Variants in FKBP1B observed in about 807,000 individuals in gnomAD.
FKBP1B encodes FKBP prolyl isomerase 1B.
FKBP1B carries 4 observed loss-of-function variants against 13.5 expected under a neutral mutation model. That is an observed-to-expected ratio of 0.30 (90% CI 0.15 to 0.68). The LOEUF (loss-of-function observed/expected upper bound fraction) is 0.68, where lower values mean the gene tolerates loss of function less well. Among genes scored for constraint, FKBP1B ranks in the 30% least tolerant of loss-of-function variants. FKBP1B has a pLI of 0.76. For synonymous variants in FKBP1B, 54 were observed against 53.6 expected (o/e 1.01, Z -0.03); for missense variants, 93 against 136.2 (o/e 0.68, Z 1.58).
rs1181739032 is a variant in FKBP1B, at chr2:24,050,109, C to CG, written c.37+228dup. ...GGGAATGTAGGCGGCAGCTCGGAGGCGGGGGTCTGCGGCCCGGAGGCGGGG... is the reference window on the plus strand; with the variant it reads ...GGGAATGTAGGCGGCAGCTCGGAGGCGGGGGGTCTGCGGCCCGGAGGCGGGG... On this transcript the variant is annotated intron_variant, in intron 1 of 3. Coordinates refer to ENST00000380986, the MANE Select transcript of FKBP1B (RefSeq NM_004116.5). This position sits in a 1 kb window ranked among gnomAD's most constrained non-coding sequence, Gnocchi z 5.8. 6.6e-6 allele frequency among the ~76,000 whole-genome samples: 1 copy of CG among 151,872 alleles called. No homozygotes were observed. The highest frequency in any genetic ancestry group is 1.5e-5 in the Non-Finnish European group (1 of 67,934).
At chr2:24,053,634 G>A (rs185098487) in intron 1 of FKBP1B, among the ~76,000 whole-genome samples, 293 of 151,996 alleles carry the variant, frequency 1.9e-3, no homozygotes, top group Admixed American at 3.3e-3. Context: ...GAAGTAAAAG[G>A]GGCAATCAAA....
At chr2:24,040,436 T>C in the FKBP1B span, among the ~76,000 whole-genome samples, 3 of 152,230 alleles carry the variant, frequency 2.0e-5, no homozygotes, top group African/African-American at 7.2e-5. Context: ...GCCAAATCAA[T>C]GAATAACTGA....
At chr2:24,035,940 G>A in the FKBP1B span, among the ~76,000 whole-genome samples, 5 of 151,078 alleles carry the variant, frequency 3.3e-5, no homozygotes, top group Admixed American at 6.6e-5. Flanking sequence ...GTGGTGGCAC[G>A]TGCCTGTAAT....
intron 2 of FKBP1B, among the ~76,000 whole-genome samples, chr2:24,058,774 G>C (rs530463887): frequency 5.0e-4 from 76 of 152,358 alleles, no homozygotes; most frequent in Non-Finnish European, 5.7e-4. Context: ...GCATGCACAA[G>C]TATCTTTGTG....
chr2:24,054,001 G>A (rs1664003360), intron 2 of FKBP1B, 52 bp downstream of exon 2: 2 of 1,555,690 alleles, frequency 1.3e-6, no homozygotes, highest in Non-Finnish European at 1.8e-6. Flanking sequence ...CCAAGGCAGG[G>A]CTGTCCTCTG....
upstream of FKBP1B, among the ~76,000 whole-genome samples, chr2:24,047,778 C>T (rs61188932): frequency 0.18 from 26,963 of 152,186 alleles, 3,380 homozygotes; most frequent in African/African-American, 0.35. Flanking sequence ...TATCTGTACA[C>T]AAAATACTGT....
the FKBP1B span, among the ~76,000 whole-genome samples, chr2:24,036,239 C>T: frequency 6.6e-6 from 1 of 151,824 alleles, no homozygotes; most frequent in Non-Finnish European, 1.5e-5. Flanking sequence ...CATGCAGTGG[C>T]ACACACCTGT....
intron 1 of FKBP1B, among the ~76,000 whole-genome samples, chr2:24,052,579 T>C (rs1244764078): frequency 1.3e-5 from 2 of 152,228 alleles, no homozygotes; most frequent in African/African-American, 4.8e-5. Context: ...CCACTGCATC[T>C]CCCTTTAATA....
chr2:24,049,003 G>A (rs145541999), upstream of FKBP1B, among the ~76,000 whole-genome samples: 84 of 152,204 alleles, frequency 5.5e-4, no homozygotes, highest in Non-Finnish European at 1.0e-3. Flanking sequence ...TTAGGGGTAT[G>A]GGGGAGAGTC....
At chr2:24,051,977 A>G (rs1663899750) in intron 1 of FKBP1B, among the ~76,000 whole-genome samples, 1 of 152,122 alleles carries the variant, frequency 6.6e-6, no homozygotes, top group Non-Finnish European at 1.5e-5. Context: ...CACCCGCACA[A>G]ATCTGTTCCT....
chr2:24,036,312 C>T, the FKBP1B span, among the ~76,000 whole-genome samples: 1 of 151,214 alleles, frequency 6.6e-6, no homozygotes, highest in African/African-American at 2.4e-5. Context: ...TCATGATCAG[C>T]CTAGGCAACA....
At position 24,055,961 on chromosome 2, in the gene FKBP1B, C is replaced by T. The variant is rs1017784416; in HGVS notation, c.85+2012C>T. Reference sequence around the variant, plus strand: ...GACTGCCAGTTACCCTGTGTCCTCCCCAACACTTGTTATTGTCAGGTTTTG... The same window carrying T: ...GACTGCCAGTTACCCTGTGTCCTCCTCAACACTTGTTATTGTCAGGTTTTG... On this transcript the variant is annotated intron_variant, in intron 2 of 3. Transcript: ENST00000380986. 2.1e-4 allele frequency among the ~76,000 whole-genome samples: 32 copies of T among 152,244 alleles called. 1 individual carries two copies. Among genetic ancestry groups the T allele is most frequent in the African/African-American group, 7.2e-4 (30 of 41,560 alleles).
the FKBP1B span, among the ~76,000 whole-genome samples, chr2:24,036,864 G>A: frequency 3.9e-5 from 6 of 152,216 alleles, no homozygotes; most frequent in Non-Finnish European, 7.3e-5. Context: ...AAGGATCCAT[G>A]TTAAGCTGCT....
rs1466919307 is a variant in FKBP1B, at chr2:24,053,890, G to A, written c.38-12G>A. ...ATCCTACTCCTTCATCTGCCCTCAT[G>A]TCTCCCTGCAGGAAGGACATTCCCC... On this transcript the variant is annotated splice_polypyrimidine_tract_variant and intron_variant, in intron 1 of 3. Coordinates refer to ENST00000380986, the MANE Select transcript of FKBP1B (RefSeq NM_004116.5). The A allele has an allele frequency of 1.5e-5, 24 of 1,613,844 alleles. No homozygotes were observed. The highest frequency in any genetic ancestry group is 1.9e-5 in the Non-Finnish European group (22 of 1,179,878).
upstream of FKBP1B, among the ~76,000 whole-genome samples, chr2:24,048,085 A>G (rs1283928763): frequency 2.6e-5 from 4 of 152,198 alleles, no homozygotes; most frequent in Non-Finnish European, 5.9e-5. Flanking sequence ...ATTCTGGACC[A>G]GTTTGCCAGG....
the FKBP1B span, among the ~76,000 whole-genome samples, chr2:24,041,595 G>A: frequency 2.1e-4 from 32 of 152,144 alleles, no homozygotes; most frequent in Admixed American, 2.0e-3. Context: ...CACCCAAAGT[G>A]TAATCCCAGC....
rs1429762106 is a variant in FKBP1B, at chr2:24,060,836, G to A, written c.108G>A (p.Lys36=). 1.1e-5 allele frequency: 17 copies of A among 1,614,002 alleles called. No individual in the cohort carries two copies. The highest frequency in any genetic ancestry group is 1.4e-5 in the Non-Finnish European group (17 of 1,179,960). ...CAGGAATGCTCCAAAATGGGAAGAA[G>A]TTTGATTCATCCAGAGACAGAAACA... ...HYTGMLQNGK[K]FDSSRDRNKP... is the part of the protein sequence containing the mutation. Residue 36 remains lysine (K), a synonymous_variant, in exon 3 of 4, where the codon AAG becomes AAA. Transcript: ENST00000380986.
chr2:24,045,643 A>G (rs1573671319), upstream of FKBP1B, among the ~76,000 whole-genome samples: 1 of 135,726 alleles, frequency 7.4e-6, no homozygotes, highest in East Asian at 2.5e-4. Context: ...GGAAGGAAGG[A>G]AGGAAGGAAG....
intron 2 of FKBP1B, among the ~76,000 whole-genome samples, chr2:24,058,938 T>A (rs1412074139): frequency 1.3e-5 from 2 of 152,332 alleles, no homozygotes; most frequent in East Asian, 3.9e-4. Flanking sequence ...ACTCAGAAAG[T>A]AGTTAAATAA....
Sources: allele counts gnomAD v4.1 joint callset (sites outside exome capture counted in the v4.1 genomes callset), GRCh38; gene constraint gnomAD v4.1.1; non-coding constraint Gnocchi (gnomAD v3.1); transcripts MANE v1.5; gene names NCBI Gene and HGNC (gene_info 2026-07-23, HGNC 2026-07-21).